The following TRPM3 variants were observed in gnomAD, a reference collection of about 807,000 sequenced individuals.
TRPM3 encodes transient receptor potential cation channel subfamily M member 3, also known as long transient receptor potential channel 3.
Under a neutral mutation model 181.2 loss-of-function variants are expected in TRPM3, and 77 were observed. The observed-to-expected ratio is 0.42, with a 90% CI of 0.35 to 0.51. The LOEUF (loss-of-function observed/expected upper bound fraction) is 0.51. Ranked by LOEUF, TRPM3 falls within the 20% of genes least tolerant of loss-of-function variation. The probability of loss-of-function intolerance (pLI) is 0.01; values close to 1 mark genes in which losing one functional copy is unlikely to be tolerated. For missense variants in TRPM3, 1,759 were observed against 2,196.7 expected (o/e 0.80, Z 3.98); for synonymous variants, 745 against 796.4 (o/e 0.94, Z 1.09).
chr9:71,365,285 C>A (rs1425544918), intron 1 of TRPM3, among the ~76,000 whole-genome samples: 1 of 152,138 alleles, frequency 6.6e-6, no homozygotes, highest in African/African-American at 2.4e-5. Flanking sequence ...AGTTTCCCTT[C>A]CCACTAAGAA....
chr9:71,392,776 C>T (rs2093092592), intron 1 of TRPM3, among the ~76,000 whole-genome samples: 1 of 152,130 alleles, frequency 6.6e-6, no homozygotes, highest in Non-Finnish European at 1.5e-5. Context: ...ATCAAAATCA[C>T]ATTTGTACCC....
intron 1 of TRPM3, among the ~76,000 whole-genome samples, chr9:70,954,991 G>C (rs1020081901): frequency 6.6e-6 from 1 of 152,126 alleles, no homozygotes; most frequent in Non-Finnish European, 1.5e-5. Context: ...GTGCCTGCGA[G>C]TTACTTACTT....
At position 70,827,897 on chromosome 9, in the gene TRPM3, T is replaced by A; in HGVS notation, c.923A>T (p.Lys308Ile). Reference sequence around the variant, plus strand: ...ATGCTTTTCCAGTTGTCTTCGAAGTTTCACCTCTGCTCCATATTTTCCAGT... The same window carrying A: ...ATGCTTTTCCAGTTGTCTTCGAAGTATCACCTCTGCTCCATATTTTCCAGT... Reference protein sequence around the residue: ...GTTGKYGAEVKLRRQLEKHIS... With the variant: ...GTTGKYGAEVILRRQLEKHIS... Residue 308 changes from lysine (K) to isoleucine (I), a missense_variant, in exon 6 of 26, where the codon AAA becomes ATA. Lys to Ile is a moderately radical substitution (Grantham distance 102). Transcript: ENST00000677713. The A allele has an allele frequency of 6.2e-7, 1 of 1,614,156 alleles. No individual in the cohort carries two copies. The highest frequency in any genetic ancestry group is 1.1e-5 in the South Asian group (1 of 91,086).
Position 71,158,515 on chromosome 9 carries a change from A to G in TRPM3, c.183+288138T>C, listed in dbSNP as rs968569050. 4.1e-4 allele frequency among the ~76,000 whole-genome samples: 63 copies of G among 152,214 alleles called. 1 individual carries two copies. The highest frequency in any genetic ancestry group is 1.4e-3 in the African/African-American group (58 of 41,460). Reference sequence around the variant, plus strand: ...TAAGAAGAAGAAAACAATTGAATAAAGTGGAAATTACAAAGGATTTTGAAT... The same window carrying G: ...TAAGAAGAAGAAAACAATTGAATAAGGTGGAAATTACAAAGGATTTTGAAT... On this transcript the variant is annotated intron_variant, in intron 1 of 24. Transcript: ENST00000357533.
chr9:70,836,325 A>G (rs1011581677), intron 5 of TRPM3, among the ~76,000 whole-genome samples: 1 of 152,112 alleles, frequency 6.6e-6, no homozygotes, highest in Non-Finnish European at 1.5e-5. Flanking sequence ...CCCATCTTAA[A>G]GGAAAAATTC....
chr9:70,860,814 T>A lies in TRPM3; in HGVS notation c.462+2094A>T, dbSNP rs530168023. ...TAGTATTAATAATATTAATAGCAGC[T>A]AGATTAATTTTATATCTATTGTGTG... On this transcript the variant is annotated intron_variant, in intron 3 of 25. Transcript: ENST00000677713. Among the ~76,000 whole-genome samples, 104 of 152,312 alleles carry A rather than the reference T, an allele frequency of 6.8e-4. 1 individual carries two copies. The Middle Eastern group carries it at 0.01, about 15-fold the overall frequency.
chr9:71,055,250 G>T (rs1375555616), intron 1 of TRPM3, among the ~76,000 whole-genome samples: 2 of 152,042 alleles, frequency 1.3e-5, no homozygotes, highest in African/African-American at 4.8e-5. Flanking sequence ...AAGTCAGGGA[G>T]ACTGGTTATA....
chr9:71,170,484 A>C (rs975835706), intron 1 of TRPM3, among the ~76,000 whole-genome samples: 1 of 152,184 alleles, frequency 6.6e-6, no homozygotes, highest in Non-Finnish European at 1.5e-5. Context: ...TTAGTAAAAC[A>C]AACCTGTTGT....
chr9:70,917,131 G>A (rs910038948), intron 1 of TRPM3: 3 of 1,605,426 alleles, frequency 1.9e-6, no homozygotes, highest in African/African-American at 2.7e-5. Context: ...GGGTTCGGAT[G>A]AGTTCGGCCA....
intron 8 of TRPM3, among the ~76,000 whole-genome samples, chr9:70,700,307 G>A (rs2059977378): frequency 6.6e-6 from 1 of 152,100 alleles, no homozygotes; most frequent in South Asian, 2.1e-4. Context: ...ACAGAAACAG[G>A]AAAGCCAGGA....
At chr9:71,424,857 C>G (rs982542440) in intron 1 of TRPM3, among the ~76,000 whole-genome samples, 6 of 152,172 alleles carry the variant, frequency 3.9e-5, no homozygotes, top group South Asian at 2.1e-4. Flanking sequence ...TCAATGTACA[C>G]ACTGTCTCCA....
At chr9:70,553,431 A>G (rs2046913291) in intron 22 of TRPM3, 121 bp from the exon 23 acceptor site, 1 of 1,275,628 alleles carries the variant, frequency 7.8e-7, no homozygotes, top group Non-Finnish European at 1.1e-6. Flanking sequence ...TCAAACAGAA[A>G]AAAGTTCCAA....
chr9:70,947,011 A>G (rs978532158), intron 1 of TRPM3, among the ~76,000 whole-genome samples: 3 of 152,238 alleles, frequency 2.0e-5, no homozygotes, highest in African/African-American at 7.2e-5. Context: ...TATTACAAAT[A>G]GTGCTGCTAT....
chr9:71,335,494 A>G lies in TRPM3; in HGVS notation c.183+111159T>C, dbSNP rs1350543502. Among the ~76,000 whole-genome samples, 4 of 152,276 alleles carry G rather than the reference A, an allele frequency of 2.6e-5. No homozygotes were observed. The East Asian group carries it at 7.7e-4, about 29-fold the overall frequency. ...CTTATAATCTTCCTATGTGACTTAT[A>G]CATACTGAACACTTTAAACTTGAGC... On this transcript the variant is annotated intron_variant, in intron 1 of 24. Coordinates refer to the TRPM3 transcript ENST00000357533.
At chr9:70,802,360 C>T (rs1383715933) in intron 6 of TRPM3, among the ~76,000 whole-genome samples, 2 of 152,176 alleles carry the variant, frequency 1.3e-5, no homozygotes, top group Non-Finnish European at 2.9e-5. Context: ...CTTGTAACTA[C>T]TCAACTCTGT....
At chr9:70,949,089 C>T (rs900057843) in intron 1 of TRPM3, among the ~76,000 whole-genome samples, 1 of 151,986 alleles carries the variant, frequency 6.6e-6, no homozygotes, top group Non-Finnish European at 1.5e-5. Flanking sequence ...TAGCCCTGGA[C>T]AAGCAGTATT....
Position 70,668,672 on chromosome 9 carries a change from G to GAAAAAAAAA in TRPM3, c.1345+12825_1345+12833dup, listed in dbSNP as rs57929544. 3.0e-3 allele frequency among the ~76,000 whole-genome samples: 256 copies of GAAAAAAAAA among 86,502 alleles called. 1 individual carries two copies. Among genetic ancestry groups the GAAAAAAAAA allele is most frequent in the Non-Finnish European group, 3.5e-3 (164 of 47,354 alleles). The allele number at this position is 86,502 out of a possible 152,430, so 56.7% of individuals were successfully genotyped here. A position where few individuals can be genotyped will look rare whatever the true frequency, so the allele number is the denominator to read the frequency against. The stretch of plus-strand genomic sequence containing the variant: ...AGAGCGAGACTCCGTCTCAAAAAAA[G>GAAAAAAAAA]AAAAAAAAAAAAAAAAAAAAAAAAA... On this transcript the variant is annotated intron_variant, in intron 9 of 25. Coordinates refer to ENST00000677713, the MANE Select transcript of TRPM3 (RefSeq NM_001366145.2).
At chr9:70,978,950 T>A (rs3010438) in intron 1 of TRPM3, among the ~76,000 whole-genome samples, 2 of 151,970 alleles carry the variant, frequency 1.3e-5, no homozygotes, top group African/African-American at 4.8e-5. Flanking sequence ...ATTTTATTTG[T>A]TTCCCAGGGA....
intron 1 of TRPM3, among the ~76,000 whole-genome samples, chr9:71,007,509 C>A (rs1213081360): frequency 6.6e-6 from 1 of 152,022 alleles, no homozygotes; most frequent in Non-Finnish European, 1.5e-5. Context: ...AAATCAAACT[C>A]ATATCAAGAA....
Sources: gnomAD v4.1 joint callset for allele counts (sites outside exome capture counted in the v4.1 genomes callset) on GRCh38, gnomAD v4.1.1 for gene constraint, MANE v1.5 for transcripts, NCBI Gene and HGNC (gene_info 2026-07-23, HGNC 2026-07-21) for gene names.